KIDINS220: variants seen among roughly 807,000 people sequenced by gnomAD.
The protein encoded by KIDINS220 is kinase D interacting substrate 220.
In KIDINS220, 63 loss-of-function variants were observed where a neutral mutation model predicts 157.6. The ratio of observed to expected loss-of-function variants is 0.40; its 90% CI spans 0.33 to 0.49. The LOEUF is 0.49. KIDINS220 is among the 20% of genes least tolerant of loss of function. The pLI, the probability that KIDINS220 is intolerant of heterozygous loss-of-function variation, is 0.66. For missense variants in KIDINS220, 1,772 were observed against 2,171.2 expected (o/e 0.82, Z 3.65); for synonymous variants, 732 against 783.6 (o/e 0.93, Z 1.10).
chr2:8,767,230 G>A (rs1481074507), intron 22 of KIDINS220, among the ~76,000 whole-genome samples: 3 of 152,110 alleles, frequency 2.0e-5, no homozygotes, highest in Non-Finnish European at 4.4e-5. Context: ...AAGCAAGTGT[G>A]TTTTGAGAAT....
chr2:8,822,479 T>C (rs750946821), intron 2 of KIDINS220, among the ~76,000 whole-genome samples: 62 of 152,206 alleles, frequency 4.1e-4, no homozygotes, highest in Non-Finnish European at 7.8e-4. Flanking sequence ...TTTTTTTTAA[T>C]GAGCCAGGCG....
downstream of KIDINS220, among the ~76,000 whole-genome samples, chr2:8,726,714 C>T (rs13024421): frequency 2.0e-5 from 3 of 151,964 alleles, no homozygotes; most frequent in Admixed American, 1.3e-4. Flanking sequence ...GTACTGAATA[C>T]TGCAGGCAAC....
intron 22 of KIDINS220, among the ~76,000 whole-genome samples, chr2:8,760,850 T>TA (rs1187461738): frequency 6.6e-6 from 1 of 152,150 alleles, no homozygotes; most frequent in Non-Finnish European, 1.5e-5. Context: ...AGTACAAGTC[T>TA]AAAAAATAGT....
intron 2 of KIDINS220, among the ~76,000 whole-genome samples, chr2:8,821,809 T>C (rs1201306483): frequency 2.6e-5 from 4 of 152,214 alleles, no homozygotes; most frequent in African/African-American, 9.6e-5. Flanking sequence ...AAGTTGGGCC[T>C]GAAAATAAAG....
chr2:8,791,737 A>G (rs944416957), intron 12 of KIDINS220, among the ~76,000 whole-genome samples: 1 of 152,200 alleles, frequency 6.6e-6, no homozygotes, highest in African/African-American at 2.4e-5. Flanking sequence ...TGAAGAACAT[A>G]ATAGATAATA....
chr2:8,770,496 T>G (rs1328477119), intron 22 of KIDINS220, among the ~76,000 whole-genome samples, 174 bp downstream of exon 22: 1 of 152,124 alleles, frequency 6.6e-6, no homozygotes, highest in Non-Finnish European at 1.5e-5. Context: ...CATGACAGGA[T>G]ATATACCTGT....
chr2:8,729,110 A>G lies in KIDINS220; in HGVS notation c.*1610T>C, dbSNP rs1243487979. On this transcript the variant is annotated 3_prime_UTR_variant, in exon 30 of 30. Coordinates refer to ENST00000256707, the MANE Select transcript of KIDINS220 (RefSeq NM_020738.4). The stretch of plus-strand genomic sequence containing the variant: ...ACAATTTTGCAAATAAGCACTATAA[A>G]TGTTAAAATGTTAAGACTTCAGTGT... 2.0e-6 allele frequency: 2 copies of G among 983,580 alleles called. No individual in the cohort carries two copies. 60.9% of individuals were successfully genotyped at this position (983,580 alleles called of 1,614,324 possible).
At chr2:8,831,483 C>T (rs2148453832) in intron 1 of KIDINS220, among the ~76,000 whole-genome samples, 1 of 152,300 alleles carries the variant, frequency 6.6e-6, no homozygotes, top group Non-Finnish European at 1.5e-5. Flanking sequence ...CTGAACAGCT[C>T]CTACCCATCC....
chr2:8,729,803 T>G lies in KIDINS220; in HGVS notation c.*917A>C. The G allele has an allele frequency of 1.0e-6, 1 of 982,300 alleles. No homozygotes were observed. The highest frequency in any genetic ancestry group is 1.2e-6 in the Non-Finnish European group (1 of 827,042). The allele number at this position is 982,300 out of a possible 1,614,324, so 60.8% of individuals were successfully genotyped here. A position where few individuals can be genotyped will look rare whatever the true frequency, so the allele number is the denominator to read the frequency against. Reference sequence around the variant, plus strand: ...ATTGTCACTGACCTTTTTGATGTAATTATTTCCTCATTCACTCATCTATAA... The same window carrying G: ...ATTGTCACTGACCTTTTTGATGTAAGTATTTCCTCATTCACTCATCTATAA... On this transcript the variant is annotated 3_prime_UTR_variant, in exon 30 of 30. Transcript: ENST00000256707.
intron 4 of KIDINS220, among the ~76,000 whole-genome samples, chr2:8,817,065 A>T (rs567038363): frequency 5.8e-4 from 88 of 152,310 alleles, no homozygotes; most frequent in African/African-American, 2.1e-3. Flanking sequence ...AAAGGGCTGA[A>T]CATTTTACAG....
intron 8 of KIDINS220, among the ~76,000 whole-genome samples, 159 bp from the exon 9 acceptor site, chr2:8,800,657 A>G (rs1674562189): frequency 6.6e-6 from 1 of 152,226 alleles, no homozygotes; most frequent in Non-Finnish European, 1.5e-5. Context: ...ACTAATATGA[A>G]TATCTGATAT....
At chr2:8,823,773 T>C (rs1377563434) in intron 2 of KIDINS220, among the ~76,000 whole-genome samples, 1 of 152,210 alleles carries the variant, frequency 6.6e-6, no homozygotes, top group Non-Finnish European at 1.5e-5. Context: ...TGCTAACATA[T>C]GCTAACAAAA....
chr2:8,814,458 T>C (rs1572771052), intron 4 of KIDINS220, among the ~76,000 whole-genome samples: 2 of 151,874 alleles, frequency 1.3e-5, no homozygotes, highest in East Asian at 3.9e-4. Flanking sequence ...TATAGATGAA[T>C]GGATGAATGG....
chr2:8,779,566 A>C, intron 18 of KIDINS220, 108 bp downstream of exon 18: 1 of 1,162,182 alleles, frequency 8.6e-7, no homozygotes, highest in Non-Finnish European at 1.2e-6. Flanking sequence ...AATAGGAACT[A>C]CTCAAACAAA....
At position 8,733,523 on chromosome 2, in the gene KIDINS220, G is replaced by A; in HGVS notation, c.3974C>T (p.Thr1325Ile). The A allele has an allele frequency of 6.2e-7, 1 of 1,614,200 alleles. No individual in the cohort carries two copies. Among genetic ancestry groups the A allele is most frequent in the Non-Finnish European group, 8.5e-7 (1 of 1,180,048 alleles). ...HTELSSQTPYTLNFSFEELNT... is the reference protein window; with the variant it reads ...HTELSSQTPYILNFSFEELNT... ...CAGCTCTTCGAAGCTGAAGTTGAGT[G>A]TGTAGGGCGTCTGGCTGGAGAGCTC... The change falls in exon 29 of 30, where the codon ACA becomes ATA. Residue 1325 changes from threonine (T) to isoleucine (I), a missense_variant. Physicochemically the swap from Thr to Ile is moderately conservative, Grantham distance 89. Coordinates refer to ENST00000256707, the MANE Select transcript of KIDINS220 (RefSeq NM_020738.4).
At chr2:8,791,319 A>C (rs1673150584) in intron 12 of KIDINS220, 95 bp from the exon 13 acceptor site, 1 of 1,118,284 alleles carries the variant, frequency 8.9e-7, no homozygotes, top group Non-Finnish European at 1.3e-6. Context: ...GAGAGAAAAA[A>C]ATTATTTCAA....
At chr2:8,765,439 A>G (rs1399720418) in intron 22 of KIDINS220, among the ~76,000 whole-genome samples, 1 of 152,180 alleles carries the variant, frequency 6.6e-6, no homozygotes, top group African/African-American at 2.4e-5. Context: ...GGCAAGAAAC[A>G]GGAAGGAAGG....
chr2:8,802,395 T>C (rs1167957879), intron 8 of KIDINS220, among the ~76,000 whole-genome samples: 1 of 152,060 alleles, frequency 6.6e-6, no homozygotes, highest in East Asian at 1.9e-4. Context: ...GATAAAGGAT[T>C]TGTTTTGGAG....
At chr2:8,733,785 G>A (rs1203364800) in intron 28 of KIDINS220, 105 bp from the exon 29 acceptor site, 4 of 718,778 alleles carry the variant, frequency 5.6e-6, no homozygotes, top group Non-Finnish European at 8.7e-6. Flanking sequence ...CAACAGCAAT[G>A]AGAAAGCATA....
Sources: gnomAD v4.1 joint callset for allele counts (sites outside exome capture counted in the v4.1 genomes callset) on GRCh38, gnomAD v4.1.1 for gene constraint, MANE v1.5 for transcripts, NCBI Gene and HGNC (gene_info 2026-07-23, HGNC 2026-07-21) for gene names.